The following AGAP1 variants were observed in gnomAD, a reference collection of about 807,000 sequenced individuals.
The protein encoded by AGAP1 is arf-GAP with GTPase, ANK repeat and PH domain-containing protein 1.
A neutral mutation model predicts 105.3 loss-of-function variants in AGAP1; 29 were observed. The observed-to-expected ratio is 0.28, with a 90% CI of 0.21 to 0.38. The LOEUF is 0.38. Among genes scored for constraint, AGAP1 ranks in the 10% least tolerant of loss-of-function variants. The pLI is 1.00. For missense variants in AGAP1, 998 were observed against 1,165.1 expected (o/e 0.86, Z 2.09); for synonymous variants, 509 against 485.9 (o/e 1.05, Z -0.63).
intron 1 of AGAP1, among the ~76,000 whole-genome samples, chr2:235,680,311 G>C (rs1948993607): frequency 1.3e-5 from 2 of 152,236 alleles, no homozygotes; most frequent in Admixed American, 6.5e-5. Flanking sequence ...TTTGGCGCGG[G>C]AGAAGTGTTG....
chr2:235,765,408 G>A (rs1459766632), intron 6 of AGAP1, among the ~76,000 whole-genome samples: 1 of 152,044 alleles, frequency 6.6e-6, no homozygotes, highest in African/African-American at 2.4e-5. Flanking sequence ...CACAGGCCCG[G>A]CCCCTCCAGT....
intron 1 of AGAP1, among the ~76,000 whole-genome samples, chr2:235,656,333 A>T (rs1947769315): frequency 6.6e-6 from 1 of 152,224 alleles, no homozygotes; most frequent in Admixed American, 6.5e-5. Flanking sequence ...GTTTACATGA[A>T]GCTAATTGTT....
intron 1 of AGAP1, among the ~76,000 whole-genome samples, chr2:235,498,522 C>T (rs553733819): frequency 1.3e-5 from 2 of 152,322 alleles, no homozygotes; most frequent in Admixed American, 1.3e-4. Flanking sequence ...TGTTAGTTTC[C>T]CCTCTGGTTC....
At chr2:235,857,160 T>C (rs1290815603) in intron 9 of AGAP1, among the ~76,000 whole-genome samples, 1 of 151,862 alleles carries the variant, frequency 6.6e-6, no homozygotes, top group Non-Finnish European at 1.5e-5. Flanking sequence ...GAGCGGCGAG[T>C]GAGTGAGCAT....
In AGAP1 at chr2:236,120,198, G is replaced by A; in HGVS notation, c.2121G>A (p.Glu707=). 6.2e-7 allele frequency: 1 copy of A among 1,610,344 alleles called. No individual in the cohort carries two copies. Among genetic ancestry groups the A allele is most frequent in the Non-Finnish European group, 8.5e-7 (1 of 1,177,740 alleles). Residue 707 remains glutamate (E), a synonymous_variant, in exon 17 of 18, where the codon GAG becomes GAA. Transcript: ENST00000304032. This position sits in a 1 kb window ranked among gnomAD's most constrained non-coding sequence, Gnocchi z 6.0. ...TKPSVDSTRE[E]KERWIRAKYE... ...GTCTGGTGGCTCTTTGCAGGGAAGAGAAGGAACGGTGGATCCGTGCCAAGT... is the reference window on the plus strand; with the variant it reads ...GTCTGGTGGCTCTTTGCAGGGAAGAAAAGGAACGGTGGATCCGTGCCAAGT...
chr2:235,999,574 T>C (rs938632660), intron 13 of AGAP1, among the ~76,000 whole-genome samples: 51 of 74,494 alleles, frequency 6.8e-4, no homozygotes, highest in Non-Finnish European at 7.2e-4. Context: ...TGATGACCAA[T>C]ATGATATGGT....
rs116705815 is a variant in AGAP1, at chr2:236,053,363, T to C, written c.2114+4082T>C. Among the ~76,000 whole-genome samples the C allele has an allele frequency of 4.3e-3, 653 of 152,284 alleles. 4 individuals are homozygous for C. The highest frequency in any genetic ancestry group is 0.015 in the African/African-American group (619 of 41,554). ...GGGGCCTTGGAATTCCTCATGTGAG[T>C]GAAACCGGGGCTTTGACGTTTGCAG... On this transcript the variant is annotated intron_variant, in intron 16 of 17. Transcript: ENST00000304032. The surrounding 1 kb of genome is among the most constrained non-coding windows in gnomAD (Gnocchi z 4.6).
Position 235,755,075 on chromosome 2 carries a change from GAGCCCTGGGGAAGGGA to G in AGAP1, c.673+4588_673+4603del, listed in dbSNP as rs1953806094. On this transcript the variant is annotated intron_variant, in intron 6 of 17. Coordinates refer to ENST00000304032, the MANE Select transcript of AGAP1 (RefSeq NM_001037131.3). Reference sequence around the variant, plus strand: ...TACCCAACCGTTTGGATTCTCAGCAGAGCCCTGGGGAAGGGAGGCACTGGGGGCTGGGGCGGGCTGG... The same window carrying G: ...TACCCAACCGTTTGGATTCTCAGCAGGGCACTGGGGGCTGGGGCGGGCTGG... Among the ~76,000 whole-genome samples, 4 of 152,156 alleles carry G rather than the reference GAGCCCTGGGGAAGGGA, an allele frequency of 2.6e-5. No individual in the cohort carries two copies. The South Asian group carries it at 8.3e-4, about 31-fold the overall frequency.
intron 9 of AGAP1, among the ~76,000 whole-genome samples, chr2:235,873,289 A>G (rs934585132): frequency 2.6e-5 from 4 of 152,214 alleles, no homozygotes; most frequent in African/African-American, 9.6e-5. Context: ...TTTAATCCAC[A>G]AAAGCTATTT....
intron 16 of AGAP1, among the ~76,000 whole-genome samples, chr2:236,086,482 A>G (rs983306727): frequency 6.6e-6 from 1 of 152,148 alleles, no homozygotes; most frequent in Non-Finnish European, 1.5e-5. Flanking sequence ...CTCTTTTTCT[A>G]TTCAGAAACT....
chr2:235,511,999 CGTGTGTGACTGT>C (rs1559212958), intron 1 of AGAP1, among the ~76,000 whole-genome samples: 1 of 133,628 alleles, frequency 7.5e-6, no homozygotes, highest in Non-Finnish European at 1.7e-5. Context: ...TGTGTGAATG[CGTGTGTGACTGT>C]GTGAATGTGT....
chr2:235,607,627 G>A (rs1945989812), intron 1 of AGAP1, among the ~76,000 whole-genome samples: 1 of 152,208 alleles, frequency 6.6e-6, no homozygotes, highest in African/African-American at 2.4e-5. Flanking sequence ...CCTGAGCCCT[G>A]TAAGGCCCCC....
intron 1 of AGAP1, among the ~76,000 whole-genome samples, chr2:235,524,980 CAT>C (rs758282296): frequency 1.5e-4 from 23 of 152,352 alleles, no homozygotes; most frequent in Non-Finnish European, 2.5e-4. Flanking sequence ...TAAAATATAT[CAT>C]GTGTTCCTCC....
chr2:235,756,458 T>C (rs1953935531), intron 6 of AGAP1, among the ~76,000 whole-genome samples: 1 of 152,176 alleles, frequency 6.6e-6, no homozygotes, highest in African/African-American at 2.4e-5. Flanking sequence ...TCATAGGCAA[T>C]CAGGAGTACA....
chr2:235,899,087 A>G (rs962959938), intron 10 of AGAP1, among the ~76,000 whole-genome samples: 6 of 152,200 alleles, frequency 3.9e-5, no homozygotes, highest in African/African-American at 1.4e-4. Context: ...AATTAGAAGT[A>G]CTGACCCTTT....
chr2:235,773,792 T>A (rs1310509710), intron 6 of AGAP1: 1 of 378,510 alleles, frequency 2.6e-6, no homozygotes, highest in Non-Finnish European at 5.2e-6. Flanking sequence ...CAGTTTATCT[T>A]CTAATTAGTT....
chr2:235,926,696 G>A (rs957019625), intron 11 of AGAP1, among the ~76,000 whole-genome samples: 5 of 152,184 alleles, frequency 3.3e-5, no homozygotes, highest in African/African-American at 7.2e-5. Flanking sequence ...AGAGAAAATC[G>A]GAAATGTTTT....
At position 236,014,884 on chromosome 2, in the gene AGAP1, C is replaced by T. The variant is rs1193853909; in HGVS notation, c.1646-21677C>T. ...GCAGCAGCACCAACACTGAAGGTAA[C>T]GCCTCCGCACCTCCACCCGCCCACA... On this transcript the variant is annotated intron_variant, in intron 13 of 17. Coordinates refer to ENST00000304032, the MANE Select transcript of AGAP1 (RefSeq NM_001037131.3). The surrounding 1 kb of genome is among the most constrained non-coding windows in gnomAD (Gnocchi z 6.3). 2.4e-5 allele frequency: 10 copies of T among 417,290 alleles called. No homozygotes were observed. Among genetic ancestry groups the T allele is most frequent in the Admixed American group, 1.5e-4 (5 of 34,050 alleles). 25.8% of individuals were successfully genotyped at this position (417,290 alleles called of 1,614,324 possible).
intron 1 of AGAP1, among the ~76,000 whole-genome samples, chr2:235,650,852 T>C (rs1284166629): frequency 6.6e-6 from 1 of 152,110 alleles, no homozygotes; most frequent in Non-Finnish European, 1.5e-5. Context: ...CAGAGCAGCC[T>C]CTGACATGTG....
Sources: allele counts gnomAD v4.1 joint callset (sites outside exome capture counted in the v4.1 genomes callset), GRCh38; gene constraint gnomAD v4.1.1; non-coding constraint Gnocchi (gnomAD v3.1); transcripts MANE v1.5; gene names NCBI Gene and HGNC (gene_info 2026-07-23, HGNC 2026-07-21).